Variants in TDRD12 observed in about 807,000 individuals in gnomAD.
TDRD12 encodes the protein tudor domain containing 12.
Under a neutral mutation model 133.5 loss-of-function variants are expected in TDRD12, and 158 were observed. That is an observed-to-expected ratio of 1.18 (90% CI 1.04 to 1.35). The LOEUF is 1.35. Among genes scored for constraint, TDRD12 ranks in the 40% most tolerant of loss-of-function variants. The probability of loss-of-function intolerance (pLI) is 0.00; values close to 1 mark genes in which losing one functional copy is unlikely to be tolerated. For synonymous variants in TDRD12, 460 were observed against 477.9 expected (o/e 0.96, Z 0.49); for missense variants, 1,443 against 1,321.3 (o/e 1.09, Z -1.43).
chr19:32,826,022 G>GTA (rs3842423), downstream of TDRD12: 385,839 of 1,046,280 alleles, frequency 0.37, 73,465 homozygotes, highest in East Asian at 0.75. Context: ...GTACAAAAAA[G>GTA]TATATATATA....
chr19:32,802,144 TATTATCATATATATATATG>T (rs1235081962), intron 19 of TDRD12, among the ~76,000 whole-genome samples: 2 of 142,898 alleles, frequency 1.4e-5, no homozygotes, highest in Non-Finnish European at 3.0e-5. Context: ...ATATGATATA[TATTATCATATATATATATG>T]ATAATATATA....
At chr19:32,745,059 G>A (rs977937239) in intron 4 of TDRD12, among the ~76,000 whole-genome samples, 11 of 152,136 alleles carry the variant, frequency 7.2e-5, no homozygotes, top group Non-Finnish European at 1.2e-4. Flanking sequence ...CTACCAGGCC[G>A]CCCTCCAGCC....
At chr19:32,822,963 G>A (rs1327402380), downstream of TDRD12, among the ~76,000 whole-genome samples, 3 of 152,156 alleles carry the variant, frequency 2.0e-5, no homozygotes, top group Admixed American at 6.5e-5. Flanking sequence ...AACATATATT[G>A]ATAAACTCAT....
At chr19:32,738,639 C>A (rs564493854) in intron 2 of TDRD12, among the ~76,000 whole-genome samples, 22 of 152,226 alleles carry the variant, frequency 1.4e-4, no homozygotes, top group African/African-American at 5.3e-4. Context: ...CATGGTGAAA[C>A]CCCATCTCTA....
intron 2 of TDRD12, among the ~76,000 whole-genome samples, chr19:32,734,106 A>G (rs982679231): frequency 3.3e-5 from 5 of 151,932 alleles, no homozygotes; most frequent in African/African-American, 1.2e-4. Context: ...CCTGGTAGCC[A>G]GGATGGTCTT....
chr19:32,745,790 CTGTG>C lies in TDRD12; in HGVS notation c.441-2665_441-2662del, dbSNP rs10692093. 1.7e-3 allele frequency among the ~76,000 whole-genome samples: 164 copies of C among 94,856 alleles called. 4 individuals carry two copies. The highest frequency in any genetic ancestry group is 9.3e-3 in the Middle Eastern group (1 of 108). 62.2% of individuals were successfully genotyped at this position (94,856 alleles called of 152,430 possible). ...GAGAGAGAGACTGGCTGATGTCATT[CTGTG>C]TGTGTGTGTGTGTGTGTGTGAGAGA... On this transcript the variant is annotated intron_variant, in intron 4 of 27. Transcript: ENST00000444215.
At chr19:32,765,673 G>T (rs1342363154) in intron 8 of TDRD12, among the ~76,000 whole-genome samples, 1 of 151,258 alleles carries the variant, frequency 6.6e-6, no homozygotes, top group Non-Finnish European at 1.5e-5. Context: ...TCACTCATAG[G>T]TGGGAAGTGA....
chr19:32,763,788 T>G (rs1171948156), intron 8 of TDRD12, among the ~76,000 whole-genome samples: 1 of 152,160 alleles, frequency 6.6e-6, no homozygotes. Context: ...AGTTCAGGTT[T>G]CCCTCCTCAC....
chr19:32,791,056 A>G, exon 13 of TDRD12: 1 of 1,535,460 alleles, frequency 6.5e-7, no homozygotes, highest in Non-Finnish European at 8.7e-7. Context: ...CGCTGTCAGC[A>G]GACCTGAAGA....
chr19:32,794,930 G>T lies in TDRD12; in HGVS notation c.1473+117G>T, dbSNP rs918624126. On this transcript the variant is annotated intron_variant, in intron 14 of 27. Transcript: ENST00000444215. ...CTCAGTTTGGTTTTCAAACTTCCAG[G>T]CCAGAAACTGTCCTGTGGGAAAGTG... 9 of 616,696 alleles carry T rather than the reference G, an allele frequency of 1.5e-5. No homozygotes were observed. In the South Asian group the frequency reaches 1.5e-4, roughly 11 times the overall value. 38.2% of individuals were successfully genotyped at this position (616,696 alleles called of 1,614,324 possible). A position where few individuals can be genotyped will look rare whatever the true frequency, so the allele number is the denominator to read the frequency against.
intron 11 of TDRD12, among the ~76,000 whole-genome samples, chr19:32,785,574 A>G (rs969931946): frequency 1.3e-5 from 2 of 152,060 alleles, no homozygotes; most frequent in African/African-American, 4.8e-5. Context: ...AAAGTCTCCC[A>G]TTTATTATTG....
chr19:32,766,167 C>CT (rs1412072506), intron 8 of TDRD12, among the ~76,000 whole-genome samples: 20 of 152,102 alleles, frequency 1.3e-4, no homozygotes, highest in Admixed American at 1.2e-3. Context: ...CTGTCAATCT[C>CT]TGTCTTTTAA....
downstream of TDRD12, chr19:32,821,366 C>A: frequency 2.1e-6 from 1 of 485,016 alleles, no homozygotes; most frequent in East Asian, 3.3e-5. Flanking sequence ...AACAGCTCAG[C>A]AGAGTGTGTG....
chr19:32,734,015 C>A (rs1439630665), intron 2 of TDRD12, among the ~76,000 whole-genome samples: 1 of 151,768 alleles, frequency 6.6e-6, no homozygotes, highest in East Asian at 1.9e-4. Flanking sequence ...CCTTAGCCTC[C>A]CGAGTAGCTG....
At chr19:32,730,791 G>A (rs996114450) in intron 1 of TDRD12, among the ~76,000 whole-genome samples, 1 of 152,102 alleles carries the variant, frequency 6.6e-6, no homozygotes, top group Non-Finnish European at 1.5e-5. Flanking sequence ...TGAGATGGGC[G>A]AATCACCTGA....
intron 11 of TDRD12, among the ~76,000 whole-genome samples, chr19:32,780,750 G>C (rs1970739742): frequency 6.6e-6 from 1 of 151,322 alleles, no homozygotes; most frequent in African/African-American, 2.4e-5. Context: ...ATAGCCTTTT[G>C]GTTTACCTGA....
chr19:32,803,367 A>G (rs1376157394), intron 21 of TDRD12, among the ~76,000 whole-genome samples: 1 of 152,080 alleles, frequency 6.6e-6, no homozygotes, highest in African/African-American at 2.4e-5. Flanking sequence ...GCATCGTGGT[A>G]TGTTCTCTTT....
intron 19 of TDRD12, among the ~76,000 whole-genome samples, chr19:32,802,241 GAT>G (rs1156982662): frequency 2.1e-5 from 3 of 144,132 alleles, no homozygotes; most frequent in South Asian, 2.1e-4. Flanking sequence ...ATATGATAGT[GAT>G]ATATATGATA....
At chr19:32,759,301 G>A (rs148325302) in intron 8 of TDRD12, among the ~76,000 whole-genome samples, 1 of 152,282 alleles carries the variant, frequency 6.6e-6, no homozygotes, top group Non-Finnish European at 1.5e-5. Flanking sequence ...GTCTACCACT[G>A]GCTTGGTGGG....
Sources: gnomAD v4.1 joint callset for allele counts (sites outside exome capture counted in the v4.1 genomes callset) on GRCh38, gnomAD v4.1.1 for gene constraint, MANE v1.5 for transcripts, NCBI Gene and HGNC (gene_info 2026-07-23, HGNC 2026-07-21) for gene names.